Variants in AGRN observed in about 807,000 individuals in gnomAD.
The protein encoded by AGRN is agrin proteoglycan.
Under a neutral mutation model 211.0 loss-of-function variants are expected in AGRN, and 106 were observed. The ratio of observed to expected loss-of-function variants is 0.50; its 90% confidence interval spans 0.43 to 0.59. AGRN has a LOEUF of 0.59. AGRN is among the 20% of genes least tolerant of loss of function. AGRN has a pLI of 0.00. For synonymous variants in AGRN, 1,525 were observed against 1,332.5 expected (o/e 1.14, Z -3.15); for missense variants, 3,040 against 2,982.6 (o/e 1.02, Z -0.45).
At chr1:1,045,316 C>G in intron 13 of AGRN, 39 bp downstream of exon 13, 2 of 1,612,002 alleles carry the variant, frequency 1.2e-6, no homozygotes, top group South Asian at 1.1e-5. Context: ...GGGCCTGGTG[C>G]GGCTGTGCGG....
chr1:1,054,723 C>T lies in AGRN; in HGVS notation c.5981-101C>T, dbSNP rs368182641. On this transcript the variant is annotated intron_variant, in intron 35 of 35. Coordinates refer to ENST00000379370, the MANE Select transcript of AGRN (RefSeq NM_198576.4). ...TTCCCAGTGCTGTGGGGCCGGGAGG[C>T]GGGTGCCCAGGTGTGGGCCCCCTGC... is the stretch of plus-strand genomic sequence containing the variant. 191 of 1,502,350 alleles carry T rather than the reference C, an allele frequency of 1.3e-4. 1 individual carries two copies. In the African/African-American group the frequency reaches 1.8e-3, roughly 14 times the overall value. The allele number at this position is 1,502,350 out of a possible 1,614,324, so 93.1% of individuals were successfully genotyped here.
At chr1:1,049,504 G>GT in intron 25 of AGRN, 53 bp downstream of exon 25, 1 of 1,596,160 alleles carries the variant, frequency 6.3e-7, no homozygotes, top group Non-Finnish European at 8.5e-7. Flanking sequence ...TGGGGTCCCG[G>GT]TGTACGAGGT....
chr1:1,044,009 G>A lies in AGRN; in HGVS notation c.1985G>A (p.Gly662Glu), dbSNP rs773168211. 1.2e-6 allele frequency: 2 copies of A among 1,608,400 alleles called. No individual in the cohort carries two copies. The highest frequency in any genetic ancestry group is 1.7e-6 in the Non-Finnish European group (2 of 1,179,230). ...ACACAGATCGAGGAGGCCCGGGCAG[G>A]GCCGTGCGAGCAGGGTAGGCCGGGG... ...QQTQIEEARA[G>E]PCEQAECGSG... is the part of the protein sequence containing the mutation. Residue 662 changes from glycine to glutamate, a missense_variant, in exon 10 of 36, where the codon GGG becomes GAG. Gly to Glu is a moderately conservative substitution (Grantham distance 98). Around this residue, in one of 3 missense-constraint regions of AGRN, gnomAD observed 1,498 missense variants for 1,457.8 expected, o/e 1.03. Transcript: ENST00000379370.
At chr1:1,028,325 C>CAA (rs1644566186) in intron 2 of AGRN, among the ~76,000 whole-genome samples, 2 of 130,034 alleles carry the variant, frequency 1.5e-5, no homozygotes, top group Non-Finnish European at 3.2e-5. Context: ...GAAACGCCCC[C>CAA]CCCCCCCCCC....
chr1:1,020,848 G>GGGT (rs1336354484), intron 1 of AGRN, among the ~76,000 whole-genome samples: 3 of 12,298 alleles, frequency 2.4e-4, no homozygotes, highest in Non-Finnish European at 1.0e-3. Flanking sequence ...GCAGTGGTGC[G>GGGT]GGGGGGGGGC....
In AGRN at chr1:1,047,939, T is replaced by C. The variant is rs1051992771; in HGVS notation, c.3751+44T>C. On this transcript the variant is annotated intron_variant, in intron 22 of 35. Transcript: ENST00000379370. The stretch of plus-strand genomic sequence containing the variant: ...GCCACAGCTTACCTGCCCCCTCCTC[T>C]GCCCATGCCCCTGCCCCTCACCCCT... 7 of 1,594,552 alleles carry C rather than the reference T, an allele frequency of 4.4e-6. No individual in the cohort carries two copies. In the African/African-American group the frequency reaches 9.4e-5, roughly 21 times the overall value.
At position 1,049,580 on chromosome 1, in the gene AGRN, C is replaced by T; in HGVS notation, c.4529C>T (p.Thr1510Ile). The change falls in exon 26 of 36, where the codon ACC becomes ATC. Residue 1510 changes from threonine (T) to isoleucine (I), a missense_variant. Coordinates refer to ENST00000379370, the MANE Select transcript of AGRN (RefSeq NM_198576.4). ...CCTGGTGGCAGGGCGCTGGAGCGGACCTTCGTGGGCGCCGGCCTGAGGGGG... is the reference window on the plus strand; with the variant it reads ...CCTGGTGGCAGGGCGCTGGAGCGGATCTTCGTGGGCGCCGGCCTGAGGGGG... ...EDQAAVALER[T>I]FVGAGLRGCI... 1 of 1,589,874 alleles carries T rather than the reference C, an allele frequency of 6.3e-7. No individual in the cohort carries two copies. Among genetic ancestry groups the T allele is most frequent in the Non-Finnish European group, 8.6e-7 (1 of 1,169,302 alleles).
chr1:1,043,908 C>T lies in AGRN; in HGVS notation c.1884C>T (p.Pro628=), dbSNP rs141590368. 1.0e-4 allele frequency: 165 copies of T among 1,610,516 alleles called. No individual in the cohort carries two copies. Among genetic ancestry groups the T allele is most frequent in the Non-Finnish European group, 1.3e-4 (151 of 1,179,724 alleles). ...CVCPRCEHPP[P]GPVCGSDGVT... Reference sequence around the variant, plus strand: ...GTCCCCGGTGTGAGCACCCCCCGCCCGGCCCCGTGTGTGGCAGCGACGGTG... The same window carrying T: ...GTCCCCGGTGTGAGCACCCCCCGCCTGGCCCCGTGTGTGGCAGCGACGGTG... Residue 628 remains proline, a synonymous_variant, in exon 10 of 36, where the codon CCC becomes CCT. Coordinates refer to ENST00000379370, the MANE Select transcript of AGRN (RefSeq NM_198576.4).
chr1:1,051,676 C>G, intron 32 of AGRN, 31 bp downstream of exon 32: 3 of 1,612,892 alleles, frequency 1.9e-6, no homozygotes, highest in East Asian at 4.5e-5. Context: ...GGGGCGGAGG[C>G]CGGATGGGCC....
At chr1:1,020,823 C>T (rs973308852) in intron 1 of AGRN, among the ~76,000 whole-genome samples, 375 of 27,938 alleles carry the variant, frequency 0.013, 9 homozygotes, top group Admixed American at 0.07. Flanking sequence ...CCCCGGGAGC[C>T]AGGTGGGGGG....
At chr1:1,038,317 C>T (rs1007407683) in intron 3 of AGRN, among the ~76,000 whole-genome samples, 1 of 152,186 alleles carries the variant, frequency 6.6e-6, no homozygotes, top group South Asian at 2.1e-4. Context: ...TTCAAGGTCC[C>T]GCCAGGTACC....
At chr1:1,051,227 C>T (rs999631638) in intron 30 of AGRN, 26 bp from the exon 31 acceptor site, 2 of 1,574,420 alleles carry the variant, frequency 1.3e-6, no homozygotes, top group Admixed American at 1.8e-5. Flanking sequence ...GGGCTCTGCA[C>T]AGCCACTTAC....
At chr1:1,038,795 G>A (rs1644859491) in intron 3 of AGRN, among the ~76,000 whole-genome samples, 1 of 152,208 alleles carries the variant, frequency 6.6e-6, no homozygotes, top group East Asian at 1.9e-4. Flanking sequence ...GTTGGATTTG[G>A]ACTGGGAGTC....
chr1:1,051,510 G>C lies in AGRN; in HGVS notation c.5428G>C (p.Val1810Leu). 2 of 1,566,860 alleles carry C rather than the reference G, an allele frequency of 1.3e-6. No individual in the cohort carries two copies. The highest frequency in any genetic ancestry group is 1.7e-6 in the Non-Finnish European group (2 of 1,158,872). ...TPEHVLRQVD[V>L]TSFAGHPCTR... is the part of the protein sequence containing the mutation. Reference sequence around the variant, plus strand: ...GGAGCACGTGCTGCGGCAGGTGGACGTCACGTCCTTTGCAGGTCACCCCTG... The same window carrying C: ...GGAGCACGTGCTGCGGCAGGTGGACCTCACGTCCTTTGCAGGTCACCCCTG... Residue 1810 changes from valine (V) to leucine (L), a missense_variant, in exon 32 of 36, where the codon GTC (valine) becomes CTC (leucine). Around this residue, in one of 3 missense-constraint regions of AGRN, gnomAD observed 1,537 missense variants for 1,505.0 expected, o/e 1.02. Coordinates refer to ENST00000379370, the MANE Select transcript of AGRN (RefSeq NM_198576.4).
At chr1:1,037,631 C>T (rs1354756942) in intron 3 of AGRN, among the ~76,000 whole-genome samples, 2 of 152,192 alleles carry the variant, frequency 1.3e-5, no homozygotes, top group East Asian at 3.9e-4. Context: ...GGAGGTGGAG[C>T]TAAGACAGGC....
In AGRN at chr1:1,049,438, G is replaced by A; in HGVS notation, c.4501G>A (p.Asp1501Asn). 6 of 1,599,596 alleles carry A rather than the reference G, an allele frequency of 3.8e-6. 1 individual carries two copies. Among genetic ancestry groups the A allele is most frequent in the Middle Eastern group, 3.3e-4 (2 of 6,060 alleles). The change falls in exon 25 of 36, where the codon GAC becomes AAC. Residue 1501 changes from aspartate to asparagine, a missense_variant. This residue lies in a region of AGRN where 1,537 missense variants were observed against 1,505.0 expected (regional missense o/e 1.02). Transcript: ENST00000379370. ...TDLFVGGVPE[D>N]QAAVALERTF... The stretch of plus-strand genomic sequence containing the variant: ...CCTCTTTGTGGGCGGCGTACCCGAG[G>A]ACCAGGCTGCCGTGTGAGTCCCTTG...
chr1:1,052,009 A>T, intron 33 of AGRN, 194 bp downstream of exon 33: 1 of 1,536,476 alleles, frequency 6.5e-7, no homozygotes, highest in African/African-American at 1.4e-5. Flanking sequence ...GGCCAATGAG[A>T]TCCCCGTGTG....
chr1:1,051,783 C>T lies in AGRN; in HGVS notation c.5619C>T (p.Thr1873=). The change falls in exon 33 of 36, where the codon ACC becomes ACT. Residue 1873 remains threonine, a synonymous_variant. Transcript: ENST00000379370. The part of the protein sequence containing the change: ...DVDTLAFDGR[T]FVEYLNAVTE... ...ATACCTTGGCCTTTGACGGGCGGACCTTTGTCGAGTACCTCAACGCTGTGA... is the reference window on the plus strand; with the variant it reads ...ATACCTTGGCCTTTGACGGGCGGACTTTTGTCGAGTACCTCAACGCTGTGA... The T allele has an allele frequency of 6.2e-7, 1 of 1,613,816 alleles. No individual in the cohort carries two copies. Among genetic ancestry groups the T allele is most frequent in the South Asian group, 1.1e-5 (1 of 91,084 alleles).
Position 1,020,378 on chromosome 1 carries a change from GC to G in AGRN, c.201+8del. ...CAGCACACGTACTCCTGCAAGGTGC[GC>G]CCACCCGGACCCCGGCCTCCCCTCG... On this transcript the variant is annotated splice_donor_region_variant and intron_variant, in intron 1 of 35. Coordinates refer to ENST00000379370, the MANE Select transcript of AGRN (RefSeq NM_198576.4). The G allele has an allele frequency of 6.7e-7, 1 of 1,494,990 alleles. No individual in the cohort carries two copies. The highest frequency in any genetic ancestry group is 8.9e-7 in the Non-Finnish European group (1 of 1,120,996). 92.6% of individuals were successfully genotyped at this position (1,494,990 alleles called of 1,614,324 possible).
Sources: allele counts gnomAD v4.1 joint callset (sites outside exome capture counted in the v4.1 genomes callset), GRCh38; gene constraint gnomAD v4.1.1; regional missense constraint gnomAD v4.1.1; transcripts MANE v1.5; gene names NCBI Gene and HGNC (gene_info 2026-07-23, HGNC 2026-07-21).